The following FBXL19 variants were observed in gnomAD, a reference collection of about 807,000 sequenced individuals.
FBXL19 encodes the protein F-box and leucine rich repeat protein 19, also known as F-box/LRR-repeat protein 19.
In FBXL19, 16 loss-of-function variants were observed where a neutral mutation model predicts 71.2. The observed-to-expected ratio is 0.22, with a 90% confidence interval of 0.15 to 0.34. FBXL19 has a LOEUF of 0.34. Among genes scored for constraint, FBXL19 ranks in the 10% least tolerant of loss-of-function variants. The pLI is 1.00. For missense variants in FBXL19, 658 were observed against 968.2 expected (o/e 0.68, Z 4.25); for synonymous variants, 447 against 409.4 (o/e 1.09, Z -1.11).
Position 30,923,683 on chromosome 16 carries a change from C to A in FBXL19, c.-801C>A, listed in dbSNP as rs1229346342. Among the ~76,000 whole-genome samples the A allele has an allele frequency of 6.6e-6, 1 of 151,766 alleles. No individual in the cohort carries two copies. Among genetic ancestry groups the A allele is most frequent in the African/African-American group, 2.4e-5 (1 of 41,318 alleles). On this transcript the variant is annotated 5_prime_UTR_variant, in exon 1 of 11. Coordinates refer to ENST00000338343, the MANE Select transcript of FBXL19 (RefSeq NM_001382779.1). ...AGGGGGGCTGAGACACCCCAACTGC[C>A]CCCTTCCCCTTTCCCTCTCCCCCTC... is the stretch of plus-strand genomic sequence containing the variant.
chr16:30,941,689 A>C (rs1225689259), intron 7 of FBXL19, among the ~76,000 whole-genome samples: 2 of 152,208 alleles, frequency 1.3e-5, no homozygotes, highest in African/African-American at 4.8e-5. Context: ...CAAGAAGCCC[A>C]AGGGTGGCTG....
rs1567336534 is a variant in FBXL19, at chr16:30,923,768, C to T, written c.-716C>T. 1.3e-5 allele frequency among the ~76,000 whole-genome samples: 2 copies of T among 150,764 alleles called. No homozygotes were observed. The highest frequency in any genetic ancestry group is 2.1e-4 in the South Asian group (1 of 4,770). On this transcript the variant is annotated 5_prime_UTR_variant, in exon 1 of 11. Coordinates refer to ENST00000338343, the MANE Select transcript of FBXL19 (RefSeq NM_001382779.1). The stretch of plus-strand genomic sequence containing the variant: ...GGATTTATTCAAATTTTATTTAAAT[C>T]CCTATCTCCCGAGGGTCGCGCGCTT...
chr16:30,927,520 C>T (rs2055606235), intron 3 of FBXL19, 53 bp from the exon 4 acceptor site: 1 of 1,557,052 alleles, frequency 6.4e-7, no homozygotes, highest in Admixed American at 1.9e-5. Context: ...GGGGGATCAC[C>T]CTGGCTCTGG....
Position 30,925,886 on chromosome 16 carries a change from G to T in FBXL19, c.132G>T (p.Gly44=), listed in dbSNP as rs754320118. Residue 44 remains glycine (G), a synonymous_variant, in exon 2 of 11, where the codon GGG becomes GGT. Coordinates refer to ENST00000338343, the MANE Select transcript of FBXL19 (RefSeq NM_001382779.1). This position sits in a 1 kb window ranked among gnomAD's most constrained non-coding sequence, Gnocchi z 5.0. ...HFCRDMKKFG[G]PGRMKQSCLL... ...GCCGAGACATGAAGAAGTTCGGGGG[G>T]CCCGGGCGCATGAAGCAGTCGTGCC... 2 of 1,503,042 alleles carry T rather than the reference G, an allele frequency of 1.3e-6. No homozygotes were observed. Among genetic ancestry groups the T allele is most frequent in the Admixed American group, 2.4e-5 (1 of 41,390 alleles). 93.1% of individuals were successfully genotyped at this position (1,503,042 alleles called of 1,614,324 possible).
At chr16:30,941,512 T>G (rs1204742354) in intron 7 of FBXL19, among the ~76,000 whole-genome samples, 1 of 152,050 alleles carries the variant, frequency 6.6e-6, no homozygotes, top group Non-Finnish European at 1.5e-5. Context: ...TCTGCCCTTG[T>G]GGAATTTACA....
chr16:30,928,496 G>C lies in FBXL19; in HGVS notation c.657G>C (p.Lys219Asn). 1 of 1,598,566 alleles carries C rather than the reference G, an allele frequency of 6.3e-7. No homozygotes were observed. Among genetic ancestry groups the C allele is most frequent in the Non-Finnish European group, 8.5e-7 (1 of 1,172,398 alleles). Residue 219 changes from lysine to asparagine, a missense_variant, in exon 6 of 11, where the codon AAG becomes AAC. Lys to Asn is a moderately conservative substitution (Grantham distance 94). Coordinates refer to ENST00000338343, the MANE Select transcript of FBXL19 (RefSeq NM_001382779.1). ...AAGGAGGCCGAGAGAGGCACCTGAAGAAGGTGGGTGGAGACGCCTGCCTCC... is the reference window on the plus strand; with the variant it reads ...AAGGAGGCCGAGAGAGGCACCTGAACAAGGTGGGTGGAGACGCCTGCCTCC... The part of the protein sequence containing the change: ...KVKGGRERHL[K>N]KVGGDACLLR...
At chr16:30,940,276 C>G (rs922057281) in intron 7 of FBXL19, among the ~76,000 whole-genome samples, 1 of 150,628 alleles carries the variant, frequency 6.6e-6, no homozygotes, top group Non-Finnish European at 1.5e-5. Flanking sequence ...AAAAAAAAGT[C>G]AGGTGTGGTG....
In FBXL19 at chr16:30,927,889, C is replaced by G. The variant is rs752713444; in HGVS notation, c.553C>G (p.Pro185Ala). Residue 185 changes from proline to alanine, a missense_variant, in exon 5 of 11, where the codon CCG becomes GCG. Transcript: ENST00000338343. ...RKGPLPAGPPPEDVPGPPKRK... is the reference protein window; with the variant it reads ...RKGPLPAGPPAEDVPGPPKRK... ...GGGCCCCCTGCCTGCCGGGCCCCCC[C>G]CGGAGGACGTGCCTGGGCCCCCCAA... is the stretch of plus-strand genomic sequence containing the variant. 15 of 1,534,166 alleles carry G rather than the reference C, an allele frequency of 9.8e-6. No homozygotes were observed. The highest frequency in any genetic ancestry group is 3.7e-5 in the South Asian group (3 of 81,274).
intron 7 of FBXL19, among the ~76,000 whole-genome samples, chr16:30,935,955 T>C (rs2055727931): frequency 6.6e-6 from 1 of 152,182 alleles, no homozygotes; most frequent in African/African-American, 2.4e-5. Context: ...AGAACCCACC[T>C]GTGGCTCCCT....
At position 30,927,852 on chromosome 16, in the gene FBXL19, G is replaced by A; in HGVS notation, c.516G>A (p.Pro172=). The change falls in exon 5 of 11, where the codon CCG becomes CCA. Residue 172 remains proline (P), a synonymous_variant. Coordinates refer to ENST00000338343, the MANE Select transcript of FBXL19 (RefSeq NM_001382779.1). The stretch of plus-strand genomic sequence containing the variant: ...AGGAGCCACCGCTTCCACCGCCCCC[G>A]CCCAGGCGCAAGGGCCCCCTGCCTG... The part of the protein sequence containing the change: ...LTEEPPLPPP[P]PRRKGPLPAG... 3 of 1,540,754 alleles carry A rather than the reference G, an allele frequency of 1.9e-6. No individual in the cohort carries two copies. The highest frequency in any genetic ancestry group is 1.2e-5 in the South Asian group (1 of 83,190).
intron 2 of FBXL19, among the ~76,000 whole-genome samples, chr16:30,926,808 C>T (rs2143308903): frequency 6.6e-6 from 1 of 152,298 alleles, no homozygotes; most frequent in South Asian, 2.1e-4. Flanking sequence ...GCCCCCACTT[C>T]CCCAAGACTA....
intron 7 of FBXL19, among the ~76,000 whole-genome samples, chr16:30,939,783 A>T (rs946584119): frequency 6.6e-6 from 1 of 152,076 alleles, no homozygotes; most frequent in Non-Finnish European, 1.5e-5. Flanking sequence ...CAGATAAGTG[A>T]ACAGCAAATA....
At position 30,923,972 on chromosome 16, in the gene FBXL19, G is replaced by A. The variant is rs1260699891; in HGVS notation, c.-512G>A. ...CCCCCCTCCCCGGGAACCGGCGGTG[G>A]GCGGGCTTGAACCCCGGAAACGGTG... On this transcript the variant is annotated 5_prime_UTR_variant, in exon 1 of 11. Coordinates refer to ENST00000338343, the MANE Select transcript of FBXL19 (RefSeq NM_001382779.1). 6.6e-6 allele frequency: 1 copy of A among 151,906 alleles called. No homozygotes were observed. The highest frequency in any genetic ancestry group is 1.5e-5 in the Non-Finnish European group (1 of 67,972). The allele number at this position is 151,906 out of a possible 1,614,324, so 9.4% of individuals were successfully genotyped here. A position where few individuals can be genotyped will look rare whatever the true frequency, so the allele number is the denominator to read the frequency against.
rs1221938437 is a variant in FBXL19 at position 30,946,358 on chromosome 16, C to T, written c.1628-372C>T. Among the ~76,000 whole-genome samples, 3 of 152,146 alleles carry T rather than the reference C, an allele frequency of 2.0e-5. No homozygotes were observed. Among genetic ancestry groups the T allele is most frequent in the Admixed American group, 2.0e-4 (3 of 15,266 alleles). ...AGCCGGGATTACAGGCGCCTGCCAC[C>T]ATACCCGGCTAATTTTTGTATGTTG... is the stretch of plus-strand genomic sequence containing the variant. On this transcript the variant is annotated intron_variant, in intron 9 of 10. Transcript: ENST00000338343. The surrounding 1 kb of genome is among the most constrained non-coding windows in gnomAD (Gnocchi z 6.7).
chr16:30,928,049 C>A, intron 5 of FBXL19, 86 bp downstream of exon 5: 4 of 942,154 alleles, frequency 4.2e-6, no homozygotes, highest in Non-Finnish European at 6.2e-6. Context: ...CTGTGTGGGC[C>A]TGGGAGCGTG....
chr16:30,926,180 C>T (rs2055587955), intron 2 of FBXL19, among the ~76,000 whole-genome samples: 1 of 152,158 alleles, frequency 6.6e-6, no homozygotes, highest in Non-Finnish European at 1.5e-5. Context: ...CAGAGTCACA[C>T]CCCCGCAGAA....
At chr16:30,936,018 T>C (rs1164003201) in intron 7 of FBXL19, among the ~76,000 whole-genome samples, 1 of 152,164 alleles carries the variant, frequency 6.6e-6, no homozygotes, top group African/African-American at 2.4e-5. Flanking sequence ...CATATGGACA[T>C]GAACTGGGCC....
intron 7 of FBXL19, among the ~76,000 whole-genome samples, chr16:30,934,122 C>T (rs1280617726): frequency 3.3e-5 from 5 of 151,072 alleles, no homozygotes; most frequent in Admixed American, 6.6e-5. Flanking sequence ...CACAGCACTT[C>T]GGGAGCCCAA....
intron 7 of FBXL19, among the ~76,000 whole-genome samples, chr16:30,934,362 CA>C (rs1028622670): frequency 4.9e-4 from 64 of 131,740 alleles, no homozygotes; most frequent in South Asian, 5.1e-4. Flanking sequence ...AACTCCATCT[CA>C]AAAAAAAAAA....
Sources: allele counts gnomAD v4.1 joint callset (sites outside exome capture counted in the v4.1 genomes callset), GRCh38; gene constraint gnomAD v4.1.1; non-coding constraint Gnocchi (gnomAD v3.1); transcripts MANE v1.5; gene names NCBI Gene and HGNC (gene_info 2026-07-23, HGNC 2026-07-21).